CNTN3: variants seen among roughly 807,000 people sequenced by gnomAD.
The protein encoded by CNTN3 is contactin-3.
A neutral mutation model predicts 119.1 loss-of-function variants in CNTN3; 60 were observed. The ratio of observed to expected loss-of-function variants is 0.50; its 90% CI spans 0.41 to 0.62. The LOEUF is 0.62. CNTN3 is among the 20% of genes least tolerant of loss of function. The probability of loss-of-function intolerance (pLI) is 0.00; values close to 1 mark genes in which losing one functional copy is unlikely to be tolerated. For missense variants in CNTN3, 1,101 were observed against 1,242.4 expected, an observed-to-expected ratio of 0.89 and a Z score of 1.71; for synonymous variants, 450 against 438.7, an observed-to-expected ratio of 1.03 and a Z score of -0.32.
At chr3:74,586,720 C>G (rs1403998217) in intron 1 of CNTN3, among the ~76,000 whole-genome samples, 1 of 151,956 alleles carries the variant, frequency 6.6e-6, no homozygotes, top group Non-Finnish European at 1.5e-5. Context: ...CCAATACATA[C>G]TGTAATAACT....
intron 1 of CNTN3, among the ~76,000 whole-genome samples, chr3:74,569,903 G>T (rs2106647818): frequency 6.6e-6 from 1 of 152,248 alleles, no homozygotes; most frequent in Admixed American, 6.5e-5. Context: ...TCATTATCTT[G>T]CTGGTGGTTG....
intron 20 of CNTN3, among the ~76,000 whole-genome samples, chr3:74,277,540 A>T (rs1559676729): frequency 6.6e-6 from 1 of 152,206 alleles, no homozygotes; most frequent in Non-Finnish European, 1.5e-5. Context: ...CAATAGATAC[A>T]GAAAAAGCAT....
intron 4 of CNTN3, among the ~76,000 whole-genome samples, chr3:74,435,014 A>C (rs1261307837): frequency 6.6e-6 from 1 of 152,018 alleles, no homozygotes; most frequent in Non-Finnish European, 1.5e-5. Flanking sequence ...CCCTGTTGTT[A>C]TTCTCTCAAA....
chr3:74,274,818 T>C (rs988752091), intron 20 of CNTN3, among the ~76,000 whole-genome samples: 11 of 152,156 alleles, frequency 7.2e-5, no homozygotes, highest in Middle Eastern at 3.4e-3. Context: ...CCTGATTTAC[T>C]GGAAAAAGAA....
intron 11 of CNTN3, among the ~76,000 whole-genome samples, chr3:74,348,855 G>C (rs944324394): frequency 3.3e-5 from 5 of 152,092 alleles, no homozygotes; most frequent in Non-Finnish European, 5.9e-5. Flanking sequence ...GCAGAAGTAG[G>C]AGGACTGCTT....
chr3:74,535,099 A>C (rs928526915), intron 1 of CNTN3, among the ~76,000 whole-genome samples: 3 of 152,102 alleles, frequency 2.0e-5, no homozygotes, highest in African/African-American at 4.8e-5. Flanking sequence ...CATTTTGAAG[A>C]GACAAACGCT....
intron 4 of CNTN3, among the ~76,000 whole-genome samples, chr3:74,434,865 C>T (rs767428895): frequency 2.0e-5 from 3 of 152,148 alleles, no homozygotes; most frequent in Non-Finnish European, 4.4e-5. Flanking sequence ...AATGATATGT[C>T]CATCAAATTT....
At chr3:74,508,689 C>T (rs980347081) in intron 2 of CNTN3, among the ~76,000 whole-genome samples, 1 of 151,918 alleles carries the variant, frequency 6.6e-6, no homozygotes, top group African/African-American at 2.4e-5. Flanking sequence ...TATTCTATTC[C>T]ATCTGATGTG....
At chr3:74,288,162 T>TTCTTTTC (rs923391180) in intron 19 of CNTN3, among the ~76,000 whole-genome samples, 7 of 145,248 alleles carry the variant, frequency 4.8e-5, no homozygotes, top group African/African-American at 1.8e-4. Context: ...TTCTTTTCTT[T>TTCTTTTC]TTTTTTTTTT....
At chr3:74,307,466 C>T (rs1041681556) in intron 13 of CNTN3, among the ~76,000 whole-genome samples, 7 of 151,970 alleles carry the variant, frequency 4.6e-5, no homozygotes, top group East Asian at 3.9e-4. Flanking sequence ...CCAAAGCATC[C>T]TTGAAATAAA....
intron 1 of CNTN3, among the ~76,000 whole-genome samples, chr3:74,540,900 T>C (rs1433628127): frequency 1.3e-5 from 2 of 152,188 alleles, no homozygotes; most frequent in Non-Finnish European, 2.9e-5. Flanking sequence ...ATGTTTGCAA[T>C]CATAAGAGTG....
intron 4 of CNTN3, among the ~76,000 whole-genome samples, chr3:74,454,934 C>T (rs906148223): frequency 2.0e-5 from 3 of 152,120 alleles, no homozygotes; most frequent in African/African-American, 7.2e-5. Flanking sequence ...TCTGGCTGCC[C>T]TTAACATTTT....
intron 1 of CNTN3, among the ~76,000 whole-genome samples, chr3:74,601,712 C>T (rs1190748233): frequency 6.6e-6 from 1 of 152,082 alleles, no homozygotes; most frequent in African/African-American, 2.4e-5. Context: ...ACTAATGAGG[C>T]AGAGGATAAT....
intron 22 of CNTN3, among the ~76,000 whole-genome samples, chr3:74,266,010 A>G (rs1701654544): frequency 6.6e-6 from 1 of 152,112 alleles, no homozygotes; most frequent in African/African-American, 2.4e-5. Context: ...CTCCTTGGAA[A>G]CTAGGAGAAG....
chr3:74,602,502 T>C (rs144024956), intron 1 of CNTN3, among the ~76,000 whole-genome samples: 1 of 152,060 alleles, frequency 6.6e-6, no homozygotes, highest in East Asian at 1.9e-4. Flanking sequence ...CAAATATTCA[T>C]TATTCACTCT....
intron 20 of CNTN3, among the ~76,000 whole-genome samples, chr3:74,282,908 A>G (rs1702042300): frequency 6.6e-6 from 1 of 152,144 alleles, no homozygotes; most frequent in Admixed American, 6.5e-5. Context: ...TTTCCCACCC[A>G]ACGTAGGAAA....
intron 4 of CNTN3, among the ~76,000 whole-genome samples, chr3:74,445,902 T>C (rs906856597): frequency 2.6e-5 from 4 of 152,192 alleles, no homozygotes; most frequent in African/African-American, 7.2e-5. Context: ...ACTTCACAGG[T>C]TGTGCACTGC....
At chr3:74,479,427 A>G (rs115521434) in intron 4 of CNTN3, among the ~76,000 whole-genome samples, 268 of 152,272 alleles carry the variant, frequency 1.8e-3, no homozygotes, top group Non-Finnish European at 2.7e-3. Context: ...TCAGAATGTC[A>G]TCAGACTTCA....
chr3:74,340,361 T>G (rs915382846), intron 11 of CNTN3, among the ~76,000 whole-genome samples: 2 of 152,098 alleles, frequency 1.3e-5, no homozygotes, highest in African/African-American at 4.8e-5. Context: ...ATGCTTGTAC[T>G]TGTTAGAGAA....
Sources: allele counts gnomAD v4.1 joint callset (sites outside exome capture counted in the v4.1 genomes callset), GRCh38; gene constraint gnomAD v4.1.1; transcripts MANE v1.5; gene names NCBI Gene and HGNC (gene_info 2026-07-23, HGNC 2026-07-21).